The following MEGF10 variants were observed in gnomAD, a reference collection of about 807,000 sequenced individuals.
MEGF10 encodes the protein multiple EGF like domains 10.
In MEGF10, 86 loss-of-function variants were observed where a neutral mutation model predicts 147.5. The observed-to-expected ratio is 0.58, with a 90% CI of 0.49 to 0.70. The LOEUF (loss-of-function observed/expected upper bound fraction) is 0.70, where lower values mean the gene tolerates loss of function less well. Ranked by LOEUF, MEGF10 falls within the 30% of genes least tolerant of loss-of-function variation. The pLI is 0.00. For missense variants in MEGF10, 1,329 were observed against 1,487.3 expected, an observed-to-expected ratio of 0.89 and a Z score of 1.75; for synonymous variants, 478 against 525.5, an observed-to-expected ratio of 0.91 and a Z score of 1.24.
At chr5:127,331,270 G>T in intron 1 of MEGF10, 21 bp from the exon 2 acceptor site, 1 of 1,276,606 alleles carries the variant, frequency 7.8e-7, no homozygotes, top group Non-Finnish European at 1.1e-6. Context: ...ATTTCTAATT[G>T]GGATTTTTTC....
chr5:127,390,168 AC>A (rs1234421972), intron 5 of MEGF10, among the ~76,000 whole-genome samples: 3 of 151,996 alleles, frequency 2.0e-5, no homozygotes, highest in African/African-American at 7.3e-5. Context: ...TCTCATTTTA[AC>A]CCTTTTCCCT....
Position 127,445,734 on chromosome 5 carries a change from G to A in MEGF10, c.2728+41G>A, listed in dbSNP as rs776975065. 4.1e-6 allele frequency: 6 copies of A among 1,470,030 alleles called. No individual in the cohort carries two copies. The East Asian group carries it at 9.0e-5, about 22-fold the overall frequency. 91.1% of individuals were successfully genotyped at this position (1,470,030 alleles called of 1,614,324 possible). On this transcript the variant is annotated intron_variant, in intron 20 of 24. Coordinates refer to ENST00000503335, the MANE Select transcript of MEGF10 (RefSeq NM_001256545.2). ...GGAGAGGCATTTTGCTTCTTGAAAA[G>A]TTAAATTTCATTCGGGTTCTTTAAA...
At chr5:127,288,127 C>G (rs1759087855), upstream of MEGF10, among the ~76,000 whole-genome samples, 1 of 152,034 alleles carries the variant, frequency 6.6e-6, no homozygotes, top group South Asian at 2.1e-4. Context: ...CTAAATATAA[C>G]AGCTAAAACT....
At chr5:127,261,539 A>T in the MEGF10 span, among the ~76,000 whole-genome samples, 167 of 152,216 alleles carry the variant, frequency 1.1e-3, no homozygotes, top group African/African-American at 3.9e-3. Flanking sequence ...GGTTATTTCT[A>T]CTTTTTGGTT....
At chr5:127,250,569 CATTAGAA>C in the MEGF10 span, among the ~76,000 whole-genome samples, 1 of 151,982 alleles carries the variant, frequency 6.6e-6, no homozygotes, top group South Asian at 2.1e-4. Flanking sequence ...TGATGTAAAT[CATTAGAA>C]ACATTCCTAC....
intron 5 of MEGF10, among the ~76,000 whole-genome samples, chr5:127,379,379 ACTCCAAAGCCCTGAG>A (rs1326886586): frequency 1.3e-5 from 2 of 151,474 alleles, no homozygotes; most frequent in Non-Finnish European, 2.9e-5. Context: ...GTTAGAATAC[ACTCCAAAGCCCTGAG>A]CACAATCCAT....
intron 17 of MEGF10, among the ~76,000 whole-genome samples, chr5:127,439,942 C>T (rs567235225): frequency 1.3e-5 from 2 of 152,186 alleles, no homozygotes; most frequent in Non-Finnish European, 2.9e-5. Flanking sequence ...GGCATCTGGG[C>T]ACTGCCTCTG....
intron 1 of MEGF10, among the ~76,000 whole-genome samples, chr5:127,328,906 GA>G (rs1761146178): frequency 6.6e-6 from 1 of 152,150 alleles, no homozygotes; most frequent in Non-Finnish European, 1.5e-5. Flanking sequence ...ATATATTAAA[GA>G]TTTTTTTGAT....
intron 5 of MEGF10, among the ~76,000 whole-genome samples, chr5:127,371,848 G>A (rs1009318824): frequency 2.6e-5 from 4 of 152,098 alleles, no homozygotes; most frequent in Non-Finnish European, 2.9e-5. Flanking sequence ...TACAACTCAC[G>A]TTTTGGCTTT....
intron 1 of MEGF10, among the ~76,000 whole-genome samples, chr5:127,293,844 A>C (rs1759374146): frequency 6.6e-6 from 1 of 152,192 alleles, no homozygotes; most frequent in Non-Finnish European, 1.5e-5. Flanking sequence ...GTCAGATCAC[A>C]TTTGGAGAAA....
rs146195344 is a variant in MEGF10 at position 127,317,399 on chromosome 5, C to T, written c.-18-13892C>T. Among the ~76,000 whole-genome samples the T allele has an allele frequency of 9.2e-3, 1,395 of 152,252 alleles. 16 individuals carry two copies. Among genetic ancestry groups the T allele is most frequent in the Non-Finnish European group, 0.016 (1,058 of 68,008 alleles). Reference sequence around the variant, plus strand: ...TTTAGTCATGAAGTCTGTGCCCATGCCTATGTCCTGAATGGCATTGCCTAG... The same window carrying T: ...TTTAGTCATGAAGTCTGTGCCCATGTCTATGTCCTGAATGGCATTGCCTAG... On this transcript the variant is annotated intron_variant, in intron 1 of 24. Coordinates refer to ENST00000503335, the MANE Select transcript of MEGF10 (RefSeq NM_001256545.2).
At chr5:127,251,421 G>A in the MEGF10 span, among the ~76,000 whole-genome samples, 5 of 151,920 alleles carry the variant, frequency 3.3e-5, no homozygotes, top group African/African-American at 4.8e-5. Flanking sequence ...TACTACCTAC[G>A]TCTTATGGTT....
intron 20 of MEGF10, among the ~76,000 whole-genome samples, chr5:127,446,758 G>T (rs1395350048): frequency 2.6e-5 from 4 of 152,178 alleles, no homozygotes; most frequent in Non-Finnish European, 5.9e-5. Context: ...AATTCTAATT[G>T]ATCAGTGCAG....
At chr5:127,445,147 G>A (rs1333347187) in intron 19 of MEGF10, 1 of 302,034 alleles carries the variant, frequency 3.3e-6, no homozygotes, top group Non-Finnish European at 6.2e-6. Flanking sequence ...GGCCAGGCTG[G>A]TCTCTAACTG....
At chr5:127,324,612 C>G (rs1356498257) in intron 1 of MEGF10, among the ~76,000 whole-genome samples, 1 of 152,184 alleles carries the variant, frequency 6.6e-6, no homozygotes, top group Non-Finnish European at 1.5e-5. Context: ...CCTCCACACT[C>G]TGTCTTTGCC....
chr5:127,355,481 A>T (rs893169849), intron 4 of MEGF10, among the ~76,000 whole-genome samples: 22 of 152,028 alleles, frequency 1.4e-4, no homozygotes, highest in African/African-American at 4.8e-4. Flanking sequence ...CCGGCATTGA[A>T]TTTTTTTCCT....
At chr5:127,345,575 T>C (rs1761854395) in intron 4 of MEGF10, among the ~76,000 whole-genome samples, 1 of 152,214 alleles carries the variant, frequency 6.6e-6, no homozygotes, top group African/African-American at 2.4e-5. Flanking sequence ...TGATTCCTTG[T>C]GGTGGTTTTA....
chr5:127,444,706 AT>A (rs1171380096), intron 19 of MEGF10: 1 of 152,264 alleles, frequency 6.6e-6, no homozygotes, highest in African/African-American at 2.4e-5. Flanking sequence ...TGAGTAAGGT[AT>A]TAGGGTAATG....
chr5:127,407,261 A>C (rs1464267387), intron 8 of MEGF10, among the ~76,000 whole-genome samples: 1 of 152,138 alleles, frequency 6.6e-6, no homozygotes, highest in Non-Finnish European at 1.5e-5. Context: ...TTTAATGAAG[A>C]ATGTGATTCT....
Sources: allele counts gnomAD v4.1 joint callset (sites outside exome capture counted in the v4.1 genomes callset), GRCh38; gene constraint gnomAD v4.1.1; transcripts MANE v1.5; gene names NCBI Gene and HGNC (gene_info 2026-07-23, HGNC 2026-07-21).